Variants in ANKS1B observed in about 807,000 individuals in gnomAD.
The protein encoded by ANKS1B is ankyrin repeat and sterile alpha motif domain containing 1B.
A neutral mutation model predicts 148.3 loss-of-function variants in ANKS1B; 36 were observed. The ratio of observed to expected loss-of-function variants is 0.24; its 90% CI spans 0.19 to 0.32. The LOEUF (loss-of-function observed/expected upper bound fraction) is 0.32. ANKS1B is among the 10% of genes least tolerant of loss of function. The pLI is 1.00. For missense variants in ANKS1B, 1,157 were observed against 1,542.6 expected (o/e 0.75, Z 4.19); for synonymous variants, 542 against 560.8 (o/e 0.97, Z 0.47).
At chr12:99,975,279 T>C (rs1013471149) in intron 1 of ANKS1B, among the ~76,000 whole-genome samples, 5 of 152,218 alleles carry the variant, frequency 3.3e-5, no homozygotes, top group African/African-American at 9.6e-5. Flanking sequence ...TGTTGCCTCT[T>C]TAAATGAAAA....
intron 17 of ANKS1B, among the ~76,000 whole-genome samples, chr12:98,943,926 T>C (rs1331970971): frequency 2.0e-5 from 3 of 152,172 alleles, no homozygotes; most frequent in Non-Finnish European, 4.4e-5. Flanking sequence ...TTGGGGTGGA[T>C]CCCTCGTGAA....
intron 15 of ANKS1B, among the ~76,000 whole-genome samples, chr12:99,088,838 G>GTTTTTTTTTTTTTTTTTTT (rs386377539): frequency 2.9e-5 from 2 of 69,848 alleles, no homozygotes; most frequent in African/African-American, 6.3e-5. Flanking sequence ...TTTAACTTCT[G>GTTTTTTTTTTTTTTTTTTT]TTTTTTTTTT....
At chr12:99,153,398 G>A (rs1244380079) in intron 15 of ANKS1B, among the ~76,000 whole-genome samples, 3 of 152,058 alleles carry the variant, frequency 2.0e-5, no homozygotes, top group Non-Finnish European at 4.4e-5. Flanking sequence ...TCTAAACTTA[G>A]GGATCAGTGA....
At chr12:99,524,422 G>A (rs1324325632) in intron 9 of ANKS1B, among the ~76,000 whole-genome samples, 1 of 152,074 alleles carries the variant, frequency 6.6e-6, no homozygotes, top group East Asian at 1.9e-4. Context: ...TGTAAGTCAA[G>A]GATCTTGCTA....
intron 17 of ANKS1B, among the ~76,000 whole-genome samples, chr12:99,031,561 A>G (rs2099952183): frequency 1.3e-5 from 2 of 152,210 alleles, no homozygotes; most frequent in Admixed American, 1.3e-4. Context: ...AGATACTGGA[A>G]GAACTTTTGA....
At chr12:99,172,619 A>G (rs1165013494) in intron 14 of ANKS1B, among the ~76,000 whole-genome samples, 1 of 152,212 alleles carries the variant, frequency 6.6e-6, no homozygotes, top group East Asian at 1.9e-4. Context: ...GATTCTTCCC[A>G]TAGAGAAGAC....
intron 17 of ANKS1B, among the ~76,000 whole-genome samples, chr12:99,050,680 T>A (rs1013535223): frequency 4.1e-5 from 5 of 120,504 alleles, no homozygotes; most frequent in African/African-American, 1.5e-4. Context: ...AGTTTTCTTT[T>A]TTTCTTTTTC....
At chr12:99,638,176 C>T (rs764804654) in intron 9 of ANKS1B, among the ~76,000 whole-genome samples, 13 of 152,136 alleles carry the variant, frequency 8.5e-5, no homozygotes, top group East Asian at 1.9e-4. Context: ...TAAAGACACA[C>T]GAAAATGTGA....
At chr12:98,794,069 A>G (rs1034355029) in intron 22 of ANKS1B, among the ~76,000 whole-genome samples, 2 of 152,158 alleles carry the variant, frequency 1.3e-5, no homozygotes, top group African/African-American at 4.8e-5. Flanking sequence ...GCTTTGTAAA[A>G]TCCAGTCCTG....
intron 26 of ANKS1B, among the ~76,000 whole-genome samples, chr12:98,747,057 A>G (rs1018896839): frequency 1.3e-5 from 2 of 152,248 alleles, no homozygotes; most frequent in Non-Finnish European, 2.9e-5. Context: ...GAAAGCAGAA[A>G]GAGACAAATG....
chr12:99,447,444 T>G (rs2152808154), intron 10 of ANKS1B, among the ~76,000 whole-genome samples: 2 of 151,980 alleles, frequency 1.3e-5, no homozygotes, highest in East Asian at 3.9e-4. Context: ...GACCACTCTC[T>G]AAAAAAACAT....
Position 99,984,817 on chromosome 12 carries a change from G to C in ANKS1B, c.-580C>G, listed in dbSNP as rs1398896971. Among the ~76,000 whole-genome samples the C allele has an allele frequency of 6.8e-6, 1 of 146,216 alleles. No individual in the cohort carries two copies. The highest frequency in any genetic ancestry group is 1.5e-5 in the Non-Finnish European group (1 of 65,822). Reference sequence around the variant, plus strand: ...GTGGCCCGCGCCGAGGCAGGGCGGTGGGGGGCAGCCGCAGCGGGCGCGTGC... The same window carrying C: ...GTGGCCCGCGCCGAGGCAGGGCGGTCGGGGGCAGCCGCAGCGGGCGCGTGC... On this transcript the variant is annotated 5_prime_UTR_variant, in exon 1 of 27. Coordinates refer to ENST00000683438, the MANE Select transcript of ANKS1B (RefSeq NM_001352186.2).
intron 17 of ANKS1B, among the ~76,000 whole-genome samples, chr12:98,832,395 A>C (rs999212019): frequency 6.6e-6 from 1 of 152,106 alleles, no homozygotes. Context: ...CCTCATTCCC[A>C]ATGCAGCAGC....
intron 1 of ANKS1B, among the ~76,000 whole-genome samples, chr12:99,963,848 T>C (rs1566096008): frequency 1.3e-5 from 2 of 152,204 alleles, no homozygotes; most frequent in African/African-American, 4.8e-5. Flanking sequence ...ATTTTAAAAA[T>C]CATAGTGGGA....
At chr12:99,822,285 T>C (rs2082604608) in intron 2 of ANKS1B, among the ~76,000 whole-genome samples, 1 of 152,178 alleles carries the variant, frequency 6.6e-6, no homozygotes. Context: ...CCATTTCTAC[T>C]TTTTAAAAAA....
chr12:99,869,275 C>CAGT (rs2091171393), intron 1 of ANKS1B, among the ~76,000 whole-genome samples: 1 of 151,976 alleles, frequency 6.6e-6, no homozygotes, highest in South Asian at 2.1e-4. Flanking sequence ...GGAGGAGGTA[C>CAGT]ACCATCAGAC....
chr12:99,619,568 C>A (rs567675171), intron 9 of ANKS1B, among the ~76,000 whole-genome samples: 3 of 152,014 alleles, frequency 2.0e-5, no homozygotes, highest in Non-Finnish European at 4.4e-5. Flanking sequence ...TCTCTACTCA[C>A]GTCCAGGCAG....
At chr12:99,230,314 C>T (rs912756634) in intron 14 of ANKS1B, among the ~76,000 whole-genome samples, 3 of 152,026 alleles carry the variant, frequency 2.0e-5, no homozygotes, top group Admixed American at 1.3e-4. Context: ...AAGCAGTGAG[C>T]TTATCATCAT....
At chr12:98,855,051 C>T (rs1022845221) in intron 17 of ANKS1B, among the ~76,000 whole-genome samples, 4 of 150,898 alleles carry the variant, frequency 2.7e-5, no homozygotes, top group South Asian at 2.1e-4. Flanking sequence ...CCTAGCTACT[C>T]GGGAGGCTGA....
Sources: gnomAD v4.1 joint callset for allele counts (sites outside exome capture counted in the v4.1 genomes callset) on GRCh38, gnomAD v4.1.1 for gene constraint, MANE v1.5 for transcripts, NCBI Gene and HGNC (gene_info 2026-07-23, HGNC 2026-07-21) for gene names.